The following CLCN5 variants were observed in gnomAD, a reference collection of about 807,000 sequenced individuals.
CLCN5 encodes H(+)/Cl(-) exchange transporter 5.
A neutral mutation model predicts 54.0 loss-of-function variants in CLCN5; 17 were observed. That is an observed-to-expected ratio of 0.31 (90% CI 0.22 to 0.47). The LOEUF (loss-of-function observed/expected upper bound fraction) is 0.47. CLCN5 is among the 20% of genes least tolerant of loss of function. The probability of loss-of-function intolerance (pLI) is 1.00; values close to 1 mark genes in which losing one functional copy is unlikely to be tolerated. For missense variants in CLCN5, 448 were observed against 646.7 expected (o/e 0.69, Z 3.33); for synonymous variants, 222 against 233.0 (o/e 0.95, Z 0.43).
At chrX:49,996,890 G>C (rs1175217776) in intron 3 of CLCN5, among the ~76,000 whole-genome samples, 1 of 111,537 alleles carries the variant, frequency 9.0e-6, no homozygotes, top group Non-Finnish European at 1.9e-5. Flanking sequence ...GTTTCTTTGT[G>C]GCCTCCTTAG....
intron 4 of CLCN5, among the ~76,000 whole-genome samples, chrX:50,047,995 C>T (rs902516133): frequency 1.1e-4 from 12 of 111,920 alleles, no homozygotes; most frequent in South Asian, 3.8e-4. Context: ...CTGTACTCTT[C>T]GGAAGGAAGT....
chrX:50,072,691 ACCT>A (rs782252216), intron 6 of CLCN5, 103 bp downstream of exon 6: 163 of 607,510 alleles, frequency 2.7e-4, no homozygotes, highest in Non-Finnish European at 4.2e-4. Flanking sequence ...CTGTTTTTCT[ACCT>A]TAAATGAATT....
At chrX:49,987,329 C>CA (rs1371428300) in intron 3 of CLCN5, among the ~76,000 whole-genome samples, 2 of 111,679 alleles carry the variant, frequency 1.8e-5, no homozygotes, top group African/African-American at 6.5e-5. Context: ...GTAGTCCCCC[C>CA]ACCTTTAGGT....
intron 3 of CLCN5, among the ~76,000 whole-genome samples, chrX:50,028,826 A>C (rs1003000453): frequency 1.8e-5 from 2 of 111,819 alleles, no homozygotes; most frequent in Admixed American, 1.9e-4. Flanking sequence ...CTTTCACTTC[A>C]TTTTATTGCA....
intron 4 of CLCN5, among the ~76,000 whole-genome samples, chrX:50,057,774 G>T (rs1932787364): frequency 9.2e-6 from 1 of 108,648 alleles, no homozygotes; most frequent in Non-Finnish European, 1.9e-5. Context: ...AAACAAAATA[G>T]AAGCAAAATG....
At chrX:50,029,042 G>A (rs782425269) in intron 3 of CLCN5, among the ~76,000 whole-genome samples, 47 of 111,593 alleles carry the variant, frequency 4.2e-4, no homozygotes, top group Non-Finnish European at 7.0e-4. Context: ...TCCCCATTTC[G>A]ATACCAAGCG....
At chrX:50,069,518 A>C in intron 4 of CLCN5, 1 of 770,091 alleles carries the variant, frequency 1.3e-6, no homozygotes, top group South Asian at 6.5e-5. Context: ...ATATGGCTGC[A>C]AGTGCCTTTG....
At chrX:49,936,954 G>A (rs111718495) in intron 3 of CLCN5, among the ~76,000 whole-genome samples, 6,748 of 111,156 alleles carry the variant, frequency 0.061, 556 homozygotes, top group African/African-American at 0.21. Flanking sequence ...TAGCCTGGAC[G>A]TGGTGGTTCA....
At chrX:50,047,775 A>G (rs962916300) in intron 4 of CLCN5, among the ~76,000 whole-genome samples, 4 of 111,001 alleles carry the variant, frequency 3.6e-5, no homozygotes, top group African/African-American at 9.9e-5. Flanking sequence ...ATGTCTCTCA[A>G]TTGGGATTTG....
chrX:50,022,682 G>A (rs1931160509), intron 3 of CLCN5, among the ~76,000 whole-genome samples: 2 of 82,906 alleles, frequency 2.4e-5, no homozygotes, highest in Non-Finnish European at 2.1e-5. Flanking sequence ...TGGTGTCTTT[G>A]TTCTCTTTGG....
At chrX:50,091,782 G>C (rs1241662393) in intron 14 of CLCN5, among the ~76,000 whole-genome samples, 2 of 112,487 alleles carry the variant, frequency 1.8e-5, no homozygotes, top group African/African-American at 3.2e-5. Flanking sequence ...GCTGTGAGGA[G>C]GGCAGAGTTC....
At chrX:50,037,131 C>T (rs1932034124) in intron 3 of CLCN5, among the ~76,000 whole-genome samples, 1 of 111,818 alleles carries the variant, frequency 8.9e-6, no homozygotes, top group Non-Finnish European at 1.9e-5. Context: ...TGTTTTTTCC[C>T]TTGTCCTGCT....
chrX:49,946,793 G>A (rs1926769779), intron 3 of CLCN5, among the ~76,000 whole-genome samples: 1 of 110,041 alleles, frequency 9.1e-6, no homozygotes, highest in Non-Finnish European at 1.9e-5. Flanking sequence ...TCTGAATCAG[G>A]CTAATTGAAG....
intron 3 of CLCN5, among the ~76,000 whole-genome samples, chrX:49,944,437 C>G (rs1408652775): frequency 9.0e-6 from 1 of 111,438 alleles, no homozygotes; most frequent in African/African-American, 3.3e-5. Context: ...ACTTCCAACA[C>G]TATGTTGAAT....
At chrX:49,995,861 G>GT (rs1929498504) in intron 3 of CLCN5, among the ~76,000 whole-genome samples, 1 of 111,694 alleles carries the variant, frequency 9.0e-6, no homozygotes, top group Non-Finnish European at 1.9e-5. Context: ...AAATATGAGA[G>GT]TTTCATATTA....
rs963680997 is a variant in CLCN5 at position 50,014,819 on chromosome X, G to C, written c.17-27497G>C. ...GGACTTCAGGTGCTCTGGTGGGCTT[G>C]TCTGTGTATTAGAATAAATGTCCTT... is the stretch of plus-strand genomic sequence containing the variant. On this transcript the variant is annotated intron_variant, in intron 3 of 14. Coordinates refer to ENST00000376091, the MANE Select transcript of CLCN5 (RefSeq NM_001127898.4). The C allele has an allele frequency of 7.5e-5, 18 of 241,134 alleles. No homozygotes were observed. The Admixed American group carries it at 1.1e-3, about 14-fold the overall frequency. The allele number at this position is 241,134 out of a possible 1,213,427, so 19.9% of individuals were successfully genotyped here.
intron 3 of CLCN5, among the ~76,000 whole-genome samples, chrX:49,936,116 C>T (rs1481719469): frequency 9.0e-6 from 1 of 111,701 alleles, no homozygotes; most frequent in Admixed American, 9.5e-5. Flanking sequence ...CAAAATAATT[C>T]ACTAGATTCT....
At chrX:50,000,217 T>C (rs1344900932) in intron 3 of CLCN5, among the ~76,000 whole-genome samples, 1 of 110,531 alleles carries the variant, frequency 9.0e-6, no homozygotes, top group Non-Finnish European at 1.9e-5. Flanking sequence ...ATGATATGCA[T>C]GTAAGGGAGA....
chrX:49,956,880 C>T (rs1368068270), intron 3 of CLCN5, among the ~76,000 whole-genome samples: 6 of 111,888 alleles, frequency 5.4e-5, no homozygotes, highest in South Asian at 3.7e-4. Context: ...TTGGGATATA[C>T]TCAGGTTCAT....
Sources: gnomAD v4.1 joint callset for allele counts (sites outside exome capture counted in the v4.1 genomes callset) on GRCh38, gnomAD v4.1.1 for gene constraint, MANE v1.5 for transcripts, NCBI Gene and HGNC (gene_info 2026-07-23, HGNC 2026-07-21) for gene names.